ETNK1: variants seen among roughly 807,000 people sequenced by gnomAD.
ETNK1 encodes the protein ethanolamine kinase 1, also known as putative protein product of Nbla10396.
In ETNK1, 8 loss-of-function variants were observed where a neutral mutation model predicts 45.1. The ratio of observed to expected loss-of-function variants is 0.18; its 90% CI spans 0.10 to 0.32. The LOEUF (loss-of-function observed/expected upper bound fraction) is 0.32. ETNK1 is among the 10% of genes least tolerant of loss of function. The pLI is 1.00. For missense variants in ETNK1, 302 were observed against 430.6 expected (o/e 0.70, Z 2.64); for synonymous variants, 152 against 151.9 (o/e 1.00, Z -0.01).
At chr12:22,677,662 T>C (rs547726322) in intron 6 of ETNK1, among the ~76,000 whole-genome samples, 30 of 152,364 alleles carry the variant, frequency 2.0e-4, no homozygotes, top group African/African-American at 7.0e-4. Context: ...TTTTTCCATT[T>C]GTGCATGTCC....
At chr12:22,679,670 C>T (rs1221854073) in intron 6 of ETNK1, among the ~76,000 whole-genome samples, 6 of 150,818 alleles carry the variant, frequency 4.0e-5, no homozygotes, top group Admixed American at 1.3e-4. Flanking sequence ...TCTGATAGTT[C>T]TCATATTCGT....
At chr12:22,681,819 T>G (rs970900703) in intron 6 of ETNK1, among the ~76,000 whole-genome samples, 6 of 152,072 alleles carry the variant, frequency 3.9e-5, no homozygotes, top group Admixed American at 1.3e-4. Flanking sequence ...ACATCTTTTG[T>G]GATGGATTGT....
chr12:22,663,454 A>G (rs1051620997), intron 4 of ETNK1, among the ~76,000 whole-genome samples: 5 of 152,172 alleles, frequency 3.3e-5, no homozygotes, highest in Admixed American at 2.0e-4. Context: ...TTCATTTCAC[A>G]GAACAAAACT....
intron 4 of ETNK1, among the ~76,000 whole-genome samples, chr12:22,663,626 G>A (rs1954028144): frequency 6.6e-6 from 1 of 152,026 alleles, no homozygotes; most frequent in Non-Finnish European, 1.5e-5. Flanking sequence ...TCTTTATTCA[G>A]TTTGGCTTTA....
chr12:22,627,480 A>G (rs1953517476), intron 1 of ETNK1, among the ~76,000 whole-genome samples: 1 of 152,170 alleles, frequency 6.6e-6, no homozygotes, highest in Admixed American at 6.5e-5. Context: ...AAGCTGTCCT[A>G]AAAGCATCTG....
At chr12:22,673,096 CAAA>C (rs1025751692) in intron 5 of ETNK1, among the ~76,000 whole-genome samples, 2 of 145,694 alleles carry the variant, frequency 1.4e-5, no homozygotes, top group East Asian at 4.0e-4. Flanking sequence ...ATTCCGTCTC[CAAA>C]AAAAAAAGTA....
In ETNK1 at chr12:22,626,212, G is replaced by A. The variant is rs1953493256; in HGVS notation, c.156+626G>A. 1.7e-5 allele frequency: 3 copies of A among 173,504 alleles called. No individual in the cohort carries two copies. In the South Asian group the frequency reaches 3.1e-4, roughly 18 times the overall value. The allele number at this position is 173,504 out of a possible 1,614,324, so 10.7% of individuals were successfully genotyped here. ...AAATTAATACCTGATACTAGAAGGA[G>A]CAGTGGCTTGTGACTGTTTCCTTTT... is the stretch of plus-strand genomic sequence containing the variant. On this transcript the variant is annotated intron_variant, in intron 1 of 7. Coordinates refer to ENST00000266517, the MANE Select transcript of ETNK1 (RefSeq NM_018638.5).
chr12:22,641,944 C>G (rs1339920700), intron 1 of ETNK1, among the ~76,000 whole-genome samples: 1 of 152,102 alleles, frequency 6.6e-6, no homozygotes, highest in Non-Finnish European at 1.5e-5. Flanking sequence ...ATATCTGTCT[C>G]TAGCCCTTAA....
chr12:22,631,470 CGGT>C (rs1220590600), intron 1 of ETNK1, among the ~76,000 whole-genome samples: 1 of 152,028 alleles, frequency 6.6e-6, no homozygotes, highest in East Asian at 1.9e-4. Flanking sequence ...CCACTGCGCC[CGGT>C]GGTAAGTATT....
At chr12:22,628,519 G>A (rs762713996) in intron 1 of ETNK1, among the ~76,000 whole-genome samples, 2 of 152,074 alleles carry the variant, frequency 1.3e-5, no homozygotes, top group Non-Finnish European at 2.9e-5. Flanking sequence ...CTTATTTGAA[G>A]ATTTTGATTT....
intron 6 of ETNK1, among the ~76,000 whole-genome samples, chr12:22,677,198 G>A (rs1206980620): frequency 6.6e-6 from 1 of 152,132 alleles, no homozygotes; most frequent in African/African-American, 2.4e-5. Flanking sequence ...GAGGTGTAAG[G>A]AAGGGGTCCA....
chr12:22,655,070 G>A (rs990136681), intron 2 of ETNK1, among the ~76,000 whole-genome samples: 3 of 152,124 alleles, frequency 2.0e-5, no homozygotes, highest in Non-Finnish European at 4.4e-5. Context: ...GGGTTCAAGC[G>A]ATTCTCCTGC....
chr12:22,678,637 G>T (rs1388210812), intron 6 of ETNK1, among the ~76,000 whole-genome samples: 1 of 152,222 alleles, frequency 6.6e-6, no homozygotes, highest in African/African-American at 2.4e-5. Flanking sequence ...TAATGAGTGA[G>T]TTCCAAATTG....
At chr12:22,643,403 A>G (rs1290777264) in intron 1 of ETNK1, among the ~76,000 whole-genome samples, 1 of 152,100 alleles carries the variant, frequency 6.6e-6, no homozygotes, top group African/African-American at 2.4e-5. Flanking sequence ...CTGTATGTGT[A>G]CACACACACA....
At chr12:22,672,328 A>G (rs1267073764) in intron 5 of ETNK1, among the ~76,000 whole-genome samples, 3 of 152,060 alleles carry the variant, frequency 2.0e-5, no homozygotes, top group Non-Finnish European at 4.4e-5. Context: ...AATGGTTTAT[A>G]CCTAGTAGGA....
At chr12:22,644,277 G>T (rs1353577487) in intron 2 of ETNK1, 14 of 1,605,250 alleles carry the variant, frequency 8.7e-6, no homozygotes, top group Admixed American at 6.8e-5. Context: ...GCTGCAGAGG[G>T]TCAAGGCTTC....
intron 5 of ETNK1, among the ~76,000 whole-genome samples, 167 bp downstream of exon 5, chr12:22,671,522 AT>A (rs1954106851): frequency 6.6e-6 from 1 of 152,106 alleles, no homozygotes; most frequent in South Asian, 2.1e-4. Context: ...GATGACCAAA[AT>A]TTCTTCCTTA....
intron 1 of ETNK1, among the ~76,000 whole-genome samples, chr12:22,638,275 G>A (rs1319553418): frequency 4.1e-5 from 6 of 147,950 alleles, no homozygotes; most frequent in East Asian, 2.0e-4. Context: ...TTTTTGAGAC[G>A]GAGTCTCACT....
intron 1 of ETNK1, chr12:22,626,111 G>A (rs1953491340): frequency 3.0e-6 from 1 of 329,686 alleles, no homozygotes; most frequent in Non-Finnish European, 6.0e-6. Flanking sequence ...TGCATCGCTA[G>A]GTCGGTTCTT....
Sources: allele counts gnomAD v4.1 joint callset (sites outside exome capture counted in the v4.1 genomes callset), GRCh38; gene constraint gnomAD v4.1.1; transcripts MANE v1.5; gene names NCBI Gene and HGNC (gene_info 2026-07-23, HGNC 2026-07-21).